The following CAPN7 variants were observed in gnomAD, a reference collection of about 807,000 sequenced individuals.
CAPN7 encodes the protein calpain-7.
In CAPN7, 72 loss-of-function variants were observed where a neutral mutation model predicts 115.2. The ratio of observed to expected loss-of-function variants is 0.63; its 90% CI spans 0.52 to 0.76. The LOEUF (loss-of-function observed/expected upper bound fraction) is 0.76. Among genes scored for constraint, CAPN7 ranks in the 30% least tolerant of loss-of-function variants. The pLI is 0.00. For synonymous variants in CAPN7, 344 were observed against 322.3 expected (o/e 1.07, Z -0.72); for missense variants, 905 against 971.5 (o/e 0.93, Z 0.91).
chr3:15,252,769 A>C lies in CAPN7; in HGVS notation c.*1509A>C, dbSNP rs1696056586. 1 of 151,066 alleles carries C rather than the reference A, an allele frequency of 6.6e-6. No individual in the cohort carries two copies. The highest frequency in any genetic ancestry group is 2.1e-4 in the South Asian group (1 of 4,826). The allele number at this position is 151,066 out of a possible 1,614,324, so 9.4% of individuals were successfully genotyped here. On this transcript the variant is annotated 3_prime_UTR_variant, in exon 21 of 21. Coordinates refer to ENST00000253693, the MANE Select transcript of CAPN7 (RefSeq NM_014296.3). ...AATTTTGGCTGGACCAATATAAAAA[A>C]TTGTATTTGAAGAATTGATACTTTA...
chr3:15,251,090 C>T lies in CAPN7; in HGVS notation c.2298-26C>T, dbSNP rs769761321. The T allele has an allele frequency of 3.7e-6, 6 of 1,600,402 alleles. No individual in the cohort carries two copies. The Admixed American group carries it at 8.7e-5, about 23-fold the overall frequency. On this transcript the variant is annotated intron_variant, in intron 20 of 20. Coordinates refer to ENST00000253693, the MANE Select transcript of CAPN7 (RefSeq NM_014296.3). ...TTTTGTGGCATCATCTTCTATAAAC[C>T]TTATTCTCATTTTCTCTAAATATAG...
In CAPN7 at chr3:15,251,145, A is replaced by G; in HGVS notation, c.2327A>G (p.Asn776Ser). 12 of 1,607,280 alleles carry G rather than the reference A, an allele frequency of 7.5e-6. No homozygotes were observed. The highest frequency in any genetic ancestry group is 1.0e-5 in the Non-Finnish European group (12 of 1,176,546). The change falls in exon 21 of 21, where the codon AAT becomes AGT. Residue 776 changes from asparagine (N) to serine (S), a missense_variant. Transcript: ENST00000253693. ...RCGFCYLELE[N>S]IPSGIFNIIP... The stretch of plus-strand genomic sequence containing the variant: ...GGGTTTTGCTACCTGGAATTAGAAA[A>G]TATACCTTCTGGGATCTTCAATATC...
chr3:15,238,317 C>T (rs562984222), intron 12 of CAPN7, among the ~76,000 whole-genome samples: 28 of 151,622 alleles, frequency 1.8e-4, no homozygotes, highest in Admixed American at 1.6e-3. Context: ...GGTTTCTCCA[C>T]GTTAGCCAGG....
Position 15,217,401 on chromosome 3 carries a change from TGCG to T in CAPN7, c.212-23_212-21del, listed in dbSNP as rs200005788. On this transcript the variant is annotated intron_variant, in intron 2 of 20. Coordinates refer to ENST00000253693, the MANE Select transcript of CAPN7 (RefSeq NM_014296.3). ...GGCTGTATTTAGATAATACTCCTTC[TGCG>T]TATTTTTTTTTCTATCCTAGTTCAG... 637 of 1,564,344 alleles carry T rather than the reference TGCG, an allele frequency of 4.1e-4. 3 individuals carry two copies. The African/African-American group carries it at 6.9e-3, about 17-fold the overall frequency.
intron 4 of CAPN7, among the ~76,000 whole-genome samples, chr3:15,219,457 T>C (rs989470198): frequency 5.9e-5 from 9 of 152,218 alleles, no homozygotes; most frequent in African/African-American, 2.2e-4. Flanking sequence ...AACTTTAGTT[T>C]GTTTCCTCAG....
At chr3:15,218,891 C>T (rs996113271) in intron 4 of CAPN7, among the ~76,000 whole-genome samples, 1 of 152,224 alleles carries the variant, frequency 6.6e-6, no homozygotes, top group Non-Finnish European at 1.5e-5. Flanking sequence ...CATGAACTTG[C>T]TTTCAGCCAT....
intron 2 of CAPN7, among the ~76,000 whole-genome samples, chr3:15,214,698 C>CA (rs1273421538): frequency 6.6e-6 from 1 of 152,158 alleles, no homozygotes; most frequent in Non-Finnish European, 1.5e-5. Flanking sequence ...GCCTGGATGA[C>CA]AGAGTAAGAC....
chr3:15,233,952 C>G lies in CAPN7; in HGVS notation c.1265C>G (p.Ser422Cys), dbSNP rs370608201. The G allele has an allele frequency of 6.4e-7, 1 of 1,572,594 alleles. No individual in the cohort carries two copies. The highest frequency in any genetic ancestry group is 8.7e-7 in the Non-Finnish European group (1 of 1,145,784). Residue 422 changes from serine (S) to cysteine (C), a missense_variant, in exon 11 of 21, where the codon TCT (serine) becomes TGT (cysteine). This residue lies in a region of CAPN7 where 620 missense variants were observed against 703.4 expected (regional missense o/e 0.88). Transcript: ENST00000253693. Reference protein sequence around the residue: ...SDSQTFSKDNSFRMLYQRFHK... With the variant: ...SDSQTFSKDNCFRMLYQRFHK... ...AGCCAAACTTTCAGTAAGGATAATTCTTTCAGAATGCTTTATCAAAGGTAA... is the reference window on the plus strand; with the variant it reads ...AGCCAAACTTTCAGTAAGGATAATTGTTTCAGAATGCTTTATCAAAGGTAA...
chr3:15,247,750 T>G (rs1019910110), intron 19 of CAPN7, among the ~76,000 whole-genome samples: 1 of 151,478 alleles, frequency 6.6e-6, no homozygotes, highest in Non-Finnish European at 1.5e-5. Context: ...AGGAAATGTT[T>G]TAACCTCAAG....
chr3:15,248,838 A>T (rs28503393), intron 19 of CAPN7, among the ~76,000 whole-genome samples: 12 of 151,910 alleles, frequency 7.9e-5, no homozygotes, highest in Non-Finnish European at 1.3e-4. Context: ...AAATTTTTTT[A>T]AAAATTTAGC....
chr3:15,249,252 T>C (rs1415741459), intron 19 of CAPN7, among the ~76,000 whole-genome samples: 1 of 152,196 alleles, frequency 6.6e-6, no homozygotes. Context: ...TCTAGATAGA[T>C]TGAACATGTA....
At chr3:15,229,126 G>A in intron 8 of CAPN7, 67 bp downstream of exon 8, 5 of 1,143,688 alleles carry the variant, frequency 4.4e-6, no homozygotes, top group South Asian at 2.5e-5. Context: ...TAAAACTTAA[G>A]CCTTATCTGT....
intron 2 of CAPN7, among the ~76,000 whole-genome samples, chr3:15,213,456 C>G (rs187246836): frequency 1.7e-4 from 26 of 152,316 alleles, no homozygotes; most frequent in Admixed American, 1.4e-3. Context: ...TCATGGAAAC[C>G]CCTTTCTGAA....
At chr3:15,245,481 G>C in intron 16 of CAPN7, 45 bp from the exon 17 acceptor site, 1 of 1,561,444 alleles carries the variant, frequency 6.4e-7, no homozygotes, top group Non-Finnish European at 8.7e-7. Context: ...TAAAATTAAA[G>C]AAAGAAAAGT....
Position 15,206,295 on chromosome 3 carries a change from G to C in CAPN7, c.-201G>C, listed in dbSNP as rs977251768. ...GGGCGGCCGGGTGGGCTACAAGCCG[G>C]GTCTGGGCTGAGGGGCGCGGCTTCG... On this transcript the variant is annotated 5_prime_UTR_variant, in exon 1 of 21. Transcript: ENST00000253693. 2.0e-6 allele frequency: 1 copy of C among 501,364 alleles called. No individual in the cohort carries two copies. The highest frequency in any genetic ancestry group is 3.5e-6 in the Non-Finnish European group (1 of 285,436). The allele number at this position is 501,364 out of a possible 1,614,324, so 31.1% of individuals were successfully genotyped here.
At position 15,217,566 on chromosome 3, in the gene CAPN7, A is replaced by G. The variant is rs1693709906; in HGVS notation, c.353A>G (p.Asp118Gly). ...DAIELYTEAV[D>G]LCLKTSYETA... ...ATAGAATTGTACACAGAAGCTGTGGATCTCTGTCTGAAAACAGTGTGTATA... is the reference window on the plus strand; with the variant it reads ...ATAGAATTGTACACAGAAGCTGTGGGTCTCTGTCTGAAAACAGTGTGTATA... Residue 118 changes from aspartate (D) to glycine (G), a missense_variant, in exon 3 of 21, where the codon GAT becomes GGT. By Grantham distance (94) the Asp-to-Gly change is moderately conservative. This residue lies in a region of CAPN7 where 271 missense variants were observed against 239.6 expected (regional missense o/e 1.13). Coordinates refer to ENST00000253693, the MANE Select transcript of CAPN7 (RefSeq NM_014296.3). 1 of 1,612,708 alleles carries G rather than the reference A, an allele frequency of 6.2e-7. No individual in the cohort carries two copies. The highest frequency in any genetic ancestry group is 1.3e-5 in the African/African-American group (1 of 75,000).
chr3:15,233,346 C>T (rs986419997), intron 10 of CAPN7, among the ~76,000 whole-genome samples: 1 of 152,176 alleles, frequency 6.6e-6, no homozygotes, highest in African/African-American at 2.4e-5. Flanking sequence ...GTTTTATGCC[C>T]AGTTCTAATG....
intron 12 of CAPN7, among the ~76,000 whole-genome samples, chr3:15,239,422 C>CA (rs1290800827): frequency 6.6e-6 from 1 of 152,190 alleles, no homozygotes; most frequent in Non-Finnish European, 1.5e-5. Context: ...ATTCTGTAGA[C>CA]ATGCCTGGTA....
At chr3:15,249,535 AT>A (rs1484312341) in intron 19 of CAPN7, among the ~76,000 whole-genome samples, 3 of 152,048 alleles carry the variant, frequency 2.0e-5, no homozygotes, top group Admixed American at 2.0e-4. Flanking sequence ...TTATGGTTCA[AT>A]TTTTTGCATT....
Sources: gnomAD v4.1 joint callset for allele counts (sites outside exome capture counted in the v4.1 genomes callset) on GRCh38, gnomAD v4.1.1 for gene constraint, gnomAD v4.1.1 regional missense constraint, MANE v1.5 for transcripts, NCBI Gene and HGNC (gene_info 2026-07-23, HGNC 2026-07-21) for gene names.